The following WDR35 variants were observed in gnomAD, a reference collection of about 807,000 sequenced individuals.
WDR35 encodes WD repeat-containing protein 35.
In WDR35, 118 loss-of-function variants were observed where a neutral mutation model predicts 158.3. That is an observed-to-expected ratio of 0.75 (90% CI 0.64 to 0.87). The LOEUF (loss-of-function observed/expected upper bound fraction) is 0.87. Ranked by LOEUF, WDR35 falls within the 40% of genes least tolerant of loss-of-function variation. The pLI is 0.00. For missense variants in WDR35, 1,263 were observed against 1,405.8 expected (o/e 0.90, Z 1.62); for synonymous variants, 448 against 476.1 (o/e 0.94, Z 0.77).
At chr2:19,916,087 C>G (rs183746995) in intron 25 of WDR35, among the ~76,000 whole-genome samples, 2 of 152,220 alleles carry the variant, frequency 1.3e-5, no homozygotes, top group Admixed American at 1.3e-4. Context: ...GTGGGTGCAG[C>G]CCAAGGAGGA....
chr2:19,986,130 G>C (rs1198275574), intron 2 of WDR35, among the ~76,000 whole-genome samples: 7 of 152,308 alleles, frequency 4.6e-5, no homozygotes, highest in Non-Finnish European at 1.0e-4. Flanking sequence ...GTTGTTAACG[G>C]AGGAAAAGAG....
chr2:19,936,041 T>C (rs1304373992), intron 20 of WDR35, among the ~76,000 whole-genome samples, 178 bp downstream of exon 20: 8 of 152,234 alleles, frequency 5.3e-5, no homozygotes, highest in African/African-American at 1.9e-4. Flanking sequence ...CAAATTTTTA[T>C]AGTGCTCATC....
intron 25 of WDR35, among the ~76,000 whole-genome samples, chr2:19,928,808 TA>T (rs1201240691): frequency 6.9e-6 from 1 of 145,964 alleles, no homozygotes; most frequent in Non-Finnish European, 1.5e-5. Flanking sequence ...AGGAAGATAC[TA>T]TTTTTTTTTT....
intron 8 of WDR35, among the ~76,000 whole-genome samples, chr2:19,973,042 C>T (rs1000102031): frequency 6.6e-6 from 1 of 151,934 alleles, no homozygotes; most frequent in South Asian, 2.1e-4. Flanking sequence ...TTTATGAAAA[C>T]AATGCTTTTA....
At chr2:19,923,987 C>T (rs1241915042) in intron 25 of WDR35, among the ~76,000 whole-genome samples, 2 of 152,184 alleles carry the variant, frequency 1.3e-5, no homozygotes, top group Non-Finnish European at 2.9e-5. Flanking sequence ...CAATTTAAAA[C>T]TTGGTGGGCC....
intron 25 of WDR35, among the ~76,000 whole-genome samples, chr2:19,918,495 T>C (rs190709353): frequency 6.6e-6 from 1 of 152,022 alleles, no homozygotes; most frequent in East Asian, 1.9e-4. Flanking sequence ...AGGAGACCCA[T>C]CTCACGGGCA....
At chr2:19,957,371 AT>A (rs1392203291) in intron 11 of WDR35, among the ~76,000 whole-genome samples, 1 of 152,166 alleles carries the variant, frequency 6.6e-6, no homozygotes, top group Non-Finnish European at 1.5e-5. Context: ...ATCTATACAT[AT>A]TTTGCTAGAT....
In WDR35 at chr2:19,990,027, C is replaced by G; in HGVS notation, c.-12G>C. 1 of 1,613,794 alleles carries G rather than the reference C, an allele frequency of 6.2e-7. No individual in the cohort carries two copies. The highest frequency in any genetic ancestry group is 8.5e-7 in the Non-Finnish European group (1 of 1,179,872). ...AGGTAGAAGAACATCGTGGGATCCC[C>G]GAGAGGGTCACGGCGGCCGCTAAGG... On this transcript the variant is annotated 5_prime_UTR_variant, in exon 1 of 27. Coordinates refer to ENST00000281405, the MANE Select transcript of WDR35 (RefSeq NM_020779.4).
At chr2:19,914,722 A>G (rs1669941954) in intron 25 of WDR35, among the ~76,000 whole-genome samples, 2 of 152,186 alleles carry the variant, frequency 1.3e-5, no homozygotes, top group Non-Finnish European at 2.9e-5. Flanking sequence ...GTATAAAATA[A>G]TATGTTCTTT....
rs752107469 is a variant in WDR35 at position 19,945,856 on chromosome 2, T to C, written c.1775A>G (p.Lys592Arg). The C allele has an allele frequency of 1.2e-5, 19 of 1,614,036 alleles. No homozygotes were observed. The highest frequency in any genetic ancestry group is 1.6e-4 in the Middle Eastern group (1 of 6,062). Residue 592 changes from lysine to arginine, a missense_variant, in exon 16 of 27, where the codon AAA becomes AGA. By Grantham distance (26) the Lys-to-Arg change is conservative. Coordinates refer to ENST00000281405, the MANE Select transcript of WDR35 (RefSeq NM_020779.4). ...RRDVWDMKWAKDNPDLFAMME... is the reference protein window; with the variant it reads ...RRDVWDMKWARDNPDLFAMME... The stretch of plus-strand genomic sequence containing the variant: ...CATTGCAAACAAATCAGGATTATCT[T>C]TGGCCCACTTCATATCCCAGACATC...
intron 2 of WDR35, 86 bp from the exon 3 acceptor site, chr2:19,982,620 G>C: frequency 1.4e-6 from 2 of 1,396,994 alleles, no homozygotes; most frequent in Non-Finnish European, 2.0e-6. Context: ...TTCCTGGGCA[G>C]TATTAATCAT....
chr2:19,981,402 C>G (rs532920381), intron 3 of WDR35, among the ~76,000 whole-genome samples: 1 of 152,260 alleles, frequency 6.6e-6, no homozygotes, highest in South Asian at 2.1e-4. Context: ...ACTCACAGTC[C>G]ATATACAAAT....
chr2:19,987,482 A>T (rs1471711546), intron 2 of WDR35, among the ~76,000 whole-genome samples: 1 of 152,180 alleles, frequency 6.6e-6, no homozygotes, highest in African/African-American at 2.4e-5. Context: ...GTTTGTTTTT[A>T]AAAAAGCCTT....
intron 16 of WDR35, among the ~76,000 whole-genome samples, chr2:19,942,295 G>A (rs937509952): frequency 1.3e-5 from 2 of 152,114 alleles, no homozygotes; most frequent in African/African-American, 2.4e-5. Context: ...CACTATATTT[G>A]TATGTAAGCC....
Position 19,973,697 on chromosome 2 carries a change from T to C in WDR35, c.748A>G (p.Ile250Val). 2 of 1,613,736 alleles carry C rather than the reference T, an allele frequency of 1.2e-6. No individual in the cohort carries two copies. The highest frequency in any genetic ancestry group is 3.3e-5 in the Admixed American group (2 of 59,962). The change falls in exon 8 of 27, where the codon ATT becomes GTT. Residue 250 changes from isoleucine to valine, a missense_variant. Ile to Val is a conservative substitution (Grantham distance 29). Transcript: ENST00000281405. ...RHENDQNPVL[I>V]DTGMYVVGIQ... The stretch of plus-strand genomic sequence containing the variant: ...CCTACTACGTACATGCCAGTGTCAA[T>C]CAAAACGGGATCTAGTCAGAAAGAG...
chr2:19,928,963 C>T (rs1258174848), intron 25 of WDR35, among the ~76,000 whole-genome samples: 1 of 152,158 alleles, frequency 6.6e-6, no homozygotes, highest in African/African-American at 2.4e-5. Flanking sequence ...CCTGCCACTA[C>T]ACCCAGCTGA....
intron 17 of WDR35, 33 bp downstream of exon 17, chr2:19,941,726 C>T: frequency 6.9e-7 from 1 of 1,452,980 alleles, no homozygotes; most frequent in South Asian, 1.2e-5. Flanking sequence ...CCCTGTCAAG[C>T]TAGCAACAGA....
Position 19,938,372 on chromosome 2 carries a change from T to C in WDR35, c.1956A>G (p.Leu652=). The C allele has an allele frequency of 6.2e-7, 1 of 1,613,986 alleles. No homozygotes were observed. The highest frequency in any genetic ancestry group is 8.5e-7 in the Non-Finnish European group (1 of 1,179,998). The change falls in exon 18 of 27, where the codon CTA becomes CTG. Residue 652 remains leucine (L), a synonymous_variant. Transcript: ENST00000281405. ...KDPEHPNKDY[L]INFEIRSLRD... The stretch of plus-strand genomic sequence containing the variant: ...GCAGAGACCGAATCTCAAAGTTAAT[T>C]AGGTAATCCTTGTTTGGATGTTCTG...
chr2:19,979,599 C>A (rs1672319761), intron 4 of WDR35, among the ~76,000 whole-genome samples: 1 of 152,132 alleles, frequency 6.6e-6, no homozygotes, highest in African/African-American at 2.4e-5. Context: ...GGCTTTTTGA[C>A]ATACCAACAT....
Sources: gnomAD v4.1 joint callset for allele counts (sites outside exome capture counted in the v4.1 genomes callset) on GRCh38, gnomAD v4.1.1 for gene constraint, MANE v1.5 for transcripts, NCBI Gene and HGNC (gene_info 2026-07-23, HGNC 2026-07-21) for gene names.